Variants in PHYKPL observed in about 807,000 individuals in gnomAD.
PHYKPL encodes the protein 5-phosphonooxy-L-lysine phospho-lyase.
In PHYKPL, 42 loss-of-function variants were observed where a neutral mutation model predicts 51.3. That is an observed-to-expected ratio of 0.82 (90% CI 0.64 to 1.06). PHYKPL has a LOEUF of 1.06. PHYKPL is among the 50% of genes least tolerant of loss of function. PHYKPL has a pLI of 0.00. For missense variants in PHYKPL, 655 were observed against 586.6 expected, an observed-to-expected ratio of 1.12 and a Z score of -1.20; for synonymous variants, 264 against 236.0, an observed-to-expected ratio of 1.12 and a Z score of -1.09.
rs1344795704 is a variant in PHYKPL, at chr5:178,212,094, G to A, written c.1304-124C>T. The A allele has an allele frequency of 3.1e-6, 3 of 981,200 alleles. No individual in the cohort carries two copies. In the East Asian group the frequency reaches 7.5e-5, roughly 24 times the overall value. The allele number at this position is 981,200 out of a possible 1,614,324, so 60.8% of individuals were successfully genotyped here. A position where few individuals can be genotyped will look rare whatever the true frequency, so the allele number is the denominator to read the frequency against. ...GGGCCCTCTGGCTATCCACACCCAT[G>A]TCCCATTCCCCAAAGGGGTGGCAGC... On this transcript the variant is annotated intron_variant, in intron 11 of 12. Transcript: ENST00000308158.
In PHYKPL at chr5:178,214,846, A is replaced by G; in HGVS notation, c.1122T>C (p.Asp374=). The change falls in exon 10 of 13, where the codon GAT becomes GAC. Residue 374 remains aspartate (D), a synonymous_variant. Coordinates refer to ENST00000308158, the MANE Select transcript of PHYKPL (RefSeq NM_153373.4). ...CAGTTGCTGGTGTCCTTGTGGCCTC[A>G]TCTTTGATCAGATCCACACCAATGA... ...GLFIGVDLIK[D]EATRTPATEE... 4 of 1,613,566 alleles carry G rather than the reference A, an allele frequency of 2.5e-6. No homozygotes were observed. Among genetic ancestry groups the G allele is most frequent in the Non-Finnish European group, 8.5e-7 (1 of 1,179,948 alleles).
Position 178,214,791 on chromosome 5 carries a change from A to T in PHYKPL, c.1172+5T>A. 6.2e-7 allele frequency: 1 copy of T among 1,613,782 alleles called. No individual in the cohort carries two copies. The highest frequency in any genetic ancestry group is 8.5e-7 in the Non-Finnish European group (1 of 1,179,882). On this transcript the variant is annotated splice_donor_5th_base_variant and intron_variant, in intron 10 of 12. Transcript: ENST00000308158. ...AGGAAGCAACTTGTTTCAAGAAGAA[A>T]ATACCTTGATACCAAGTAGGCAGCC...
Position 178,232,497 on chromosome 5 carries a change from G to A in PHYKPL, c.54C>T (p.Leu18=), listed in dbSNP as rs1432330047. The A allele has an allele frequency of 2.2e-6, 3 of 1,353,046 alleles. No individual in the cohort carries two copies. Among genetic ancestry groups the A allele is most frequent in the South Asian group, 1.8e-5 (1 of 55,096 alleles). The allele number at this position is 1,353,046 out of a possible 1,614,324, so 83.8% of individuals were successfully genotyped here. The change falls in exon 1 of 13, where the codon CTC becomes CTT. Residue 18 remains leucine, a synonymous_variant. Coordinates refer to ENST00000308158, the MANE Select transcript of PHYKPL (RefSeq NM_153373.4). The stretch of plus-strand genomic sequence containing the variant: ...CCCGCCCCCCGCCCGGGTACCTGAT[G>A]AGCCGTTGCCTCAGGGCCAGCGTGT... ...KADTLALRQR[L]ISSSCRLFFP...
chr5:178,209,284 C>T (rs1171950205), intron 12 of PHYKPL: 1 of 1,484,536 alleles, frequency 6.7e-7, no homozygotes, highest in Non-Finnish European at 9.4e-7. Flanking sequence ...CAGTCACTGC[C>T]CTGAGTTTGT....
chr5:178,225,307 C>T (rs747161303), intron 4 of PHYKPL, 48 bp downstream of exon 4: 18 of 1,606,366 alleles, frequency 1.1e-5, no homozygotes, highest in Non-Finnish European at 1.4e-5. Context: ...CACCAAGAAG[C>T]CTGTGGGCCA....
At chr5:178,212,889 C>T (rs1258271292) in intron 11 of PHYKPL, 84 bp downstream of exon 11, 10 of 1,562,110 alleles carry the variant, frequency 6.4e-6, no homozygotes, top group African/African-American at 1.4e-5. Flanking sequence ...CTCTTGTCCC[C>T]TCCCTGTTCC....
intron 3 of PHYKPL, chr5:178,228,598 T>C: frequency 1.4e-6 from 1 of 702,570 alleles, no homozygotes; most frequent in East Asian, 2.7e-5. Flanking sequence ...ACCTGTAAAA[T>C]GAAGATGGTG....
At chr5:178,229,367 C>T (rs1280604974) in intron 3 of PHYKPL, among the ~76,000 whole-genome samples, 1 of 152,162 alleles carries the variant, frequency 6.6e-6, no homozygotes, top group African/African-American at 2.4e-5. Context: ...CTCGATCTCC[C>T]GAAGTGCTGG....
intron 8 of PHYKPL, 85 bp downstream of exon 8, chr5:178,222,263 TAGCCCTG>T: frequency 1.7e-6 from 2 of 1,150,914 alleles, no homozygotes; most frequent in Non-Finnish European, 2.5e-6. Context: ...GGCACAGTGC[TAGCCCTG>T]TAGCCTTTGC....
At chr5:178,222,303 C>A in intron 8 of PHYKPL, 52 bp downstream of exon 8, 1 of 1,496,878 alleles carries the variant, frequency 6.7e-7, no homozygotes, top group Admixed American at 1.9e-5. Flanking sequence ...GGCTGATCAC[C>A]GGGGGCCTAT....
intron 12 of PHYKPL, chr5:178,209,368 G>T (rs769965868): frequency 1.9e-6 from 3 of 1,614,148 alleles, no homozygotes; most frequent in Admixed American, 1.7e-5. Flanking sequence ...AAGTCTATCA[G>T]CAGCAGCAGT....
Position 178,223,633 on chromosome 5 carries a change from C to T in PHYKPL, c.619-699G>A. 8.1e-6 allele frequency: 3 copies of T among 371,050 alleles called. No homozygotes were observed. The East Asian group carries it at 2.3e-4, about 28-fold the overall frequency. 23.0% of individuals were successfully genotyped at this position (371,050 alleles called of 1,614,324 possible). A position where few individuals can be genotyped will look rare whatever the true frequency, so the allele number is the denominator to read the frequency against. On this transcript the variant is annotated intron_variant, in intron 6 of 12. Transcript: ENST00000308158. ...AAGTGGTCGCAGAGCACCTGAAACACACAGGCAAGGCTCCCCTGGTCGGGT... is the reference window on the plus strand; with the variant it reads ...AAGTGGTCGCAGAGCACCTGAAACATACAGGCAAGGCTCCCCTGGTCGGGT...
chr5:178,211,174 G>A (rs955699273), intron 12 of PHYKPL: 2 of 156,098 alleles, frequency 1.3e-5, no homozygotes, highest in African/African-American at 4.8e-5. Flanking sequence ...GCCTGGGTGA[G>A]TGTGGGATAT....
rs746224121 is a variant in PHYKPL at position 178,230,125 on chromosome 5, C to T, written c.179-26G>A. ...CTGGAAGAGGGCCGCCTCCGTCACA[C>T]GGCTGGCTCCACTCAGCCAGTCCCA... On this transcript the variant is annotated intron_variant, in intron 2 of 12. Transcript: ENST00000308158. The T allele has an allele frequency of 4.0e-5, 65 of 1,611,208 alleles. No individual in the cohort carries two copies. The Admixed American group carries it at 4.7e-4, about 12-fold the overall frequency.
Position 178,229,968 on chromosome 5 carries a change from G to C in PHYKPL, c.310C>G (p.Leu104Val). 2.5e-6 allele frequency: 4 copies of C among 1,614,164 alleles called. No individual in the cohort carries two copies. Among genetic ancestry groups the C allele is most frequent in the Non-Finnish European group, 3.4e-6 (4 of 1,180,004 alleles). ...GAATTCAGGAAATAGAACACACAGA[G>C]CTGCTCCGGCAGGGTCTCTGACAGC... ...QRLSETLPEQ[L>V]CVFYFLNSGS... The change falls in exon 3 of 13, where the codon CTC becomes GTC. Residue 104 changes from leucine to valine, a missense_variant. Leu to Val is a conservative substitution (Grantham distance 32). Transcript: ENST00000308158.
chr5:178,217,753 G>A (rs866332551), intron 8 of PHYKPL, among the ~76,000 whole-genome samples: 8 of 151,514 alleles, frequency 5.3e-5, no homozygotes, highest in African/African-American at 1.9e-4. Context: ...AGCTACTCGG[G>A]AGGCTGAGGC....
intron 8 of PHYKPL, among the ~76,000 whole-genome samples, chr5:178,217,976 G>A (rs1760216403): frequency 6.6e-6 from 1 of 150,746 alleles, no homozygotes; most frequent in African/African-American, 2.4e-5. Flanking sequence ...CCAGCACTTT[G>A]GGAGGCCGAG....
At chr5:178,231,593 C>G in intron 1 of PHYKPL, 70 bp from the exon 2 acceptor site, 1 of 1,608,808 alleles carries the variant, frequency 6.2e-7, no homozygotes, top group Non-Finnish European at 8.5e-7. Context: ...TCATCGCAGA[C>G]CCCCGCCCAC....
At chr5:178,232,233 C>A in intron 1 of PHYKPL, 1 of 1,259,190 alleles carries the variant, frequency 7.9e-7, no homozygotes, top group African/African-American at 1.5e-5. Context: ...GAGGGCGGGG[C>A]CGTCTCCTGA....
Sources: gnomAD v4.1 joint callset for allele counts (sites outside exome capture counted in the v4.1 genomes callset) on GRCh38, gnomAD v4.1.1 for gene constraint, MANE v1.5 for transcripts, NCBI Gene and HGNC (gene_info 2026-07-23, HGNC 2026-07-21) for gene names.